ADGRB3: variants seen among roughly 807,000 people sequenced by gnomAD.
ADGRB3 encodes brain-specific angiogenesis inhibitor 3.
A neutral mutation model predicts 193.4 loss-of-function variants in ADGRB3; 37 were observed. The ratio of observed to expected loss-of-function variants is 0.19; its 90% CI spans 0.15 to 0.25. ADGRB3 has a LOEUF of 0.25. ADGRB3 is among the 10% of genes least tolerant of loss of function. The pLI is 1.00. For synonymous variants in ADGRB3, 690 were observed against 644.2 expected, an observed-to-expected ratio of 1.07 and a Z score of -1.08; for missense variants, 1,637 against 1,852.9, an observed-to-expected ratio of 0.88 and a Z score of 2.14.
chr6:69,162,839 A>C (rs965346424), intron 17 of ADGRB3, among the ~76,000 whole-genome samples: 2 of 152,076 alleles, frequency 1.3e-5, no homozygotes, highest in Non-Finnish European at 2.9e-5. Flanking sequence ...GTTTCTCAAA[A>C]GCTTGTCAGT....
chr6:68,686,967 TA>T (rs1460843391), intron 3 of ADGRB3, among the ~76,000 whole-genome samples: 1 of 152,160 alleles, frequency 6.6e-6, no homozygotes, highest in East Asian at 1.9e-4. Flanking sequence ...AAGTGATTTT[TA>T]AAAATATGCT....
At chr6:69,294,353 A>G (rs1767762645) in intron 20 of ADGRB3, among the ~76,000 whole-genome samples, 1 of 152,144 alleles carries the variant, frequency 6.6e-6, no homozygotes, top group Non-Finnish European at 1.5e-5. Flanking sequence ...TATTTCAAAA[A>G]CTATTATATA....
At chr6:68,888,383 A>T (rs150638293) in intron 3 of ADGRB3, among the ~76,000 whole-genome samples, 2 of 152,122 alleles carry the variant, frequency 1.3e-5, no homozygotes, top group Non-Finnish European at 2.9e-5. Flanking sequence ...TATTTTTCCC[A>T]TATAATTGTG....
chr6:68,670,653 T>A (rs1768929073), intron 3 of ADGRB3, among the ~76,000 whole-genome samples: 1 of 152,090 alleles, frequency 6.6e-6, no homozygotes, highest in Non-Finnish European at 1.5e-5. Context: ...GCTGTTTTGG[T>A]GACTATAGCC....
chr6:69,255,925 A>C (rs1033103800), intron 20 of ADGRB3, among the ~76,000 whole-genome samples: 2 of 152,164 alleles, frequency 1.3e-5, no homozygotes, highest in Non-Finnish European at 2.9e-5. Context: ...ACATATGGCT[A>C]TCCAGTTTTC....
chr6:68,788,872 C>G (rs1767034312), intron 3 of ADGRB3, among the ~76,000 whole-genome samples: 1 of 152,170 alleles, frequency 6.6e-6, no homozygotes, highest in African/African-American at 2.4e-5. Context: ...GGATAGTTAG[C>G]TCTTCTTGTT....
At chr6:69,288,664 C>A (rs1767602831) in intron 20 of ADGRB3, among the ~76,000 whole-genome samples, 1 of 152,126 alleles carries the variant, frequency 6.6e-6, no homozygotes, top group Non-Finnish European at 1.5e-5. Flanking sequence ...TGTGTCTCCC[C>A]AAGGGAGTTA....
At chr6:69,320,830 T>A (rs1314559451) in intron 20 of ADGRB3, among the ~76,000 whole-genome samples, 2 of 147,090 alleles carry the variant, frequency 1.4e-5, no homozygotes, top group East Asian at 3.9e-4. Context: ...TGTGTATGTG[T>A]GTGTGTGTGT....
At chr6:69,145,926 T>A (rs1410636225) in intron 17 of ADGRB3, among the ~76,000 whole-genome samples, 1 of 152,062 alleles carries the variant, frequency 6.6e-6, no homozygotes, top group African/African-American at 2.4e-5. Flanking sequence ...GGAGGAAGTG[T>A]GTGCTTATTT....
At chr6:68,661,107 C>G (rs1303628460) in intron 3 of ADGRB3, among the ~76,000 whole-genome samples, 1 of 149,662 alleles carries the variant, frequency 6.7e-6, no homozygotes, top group Admixed American at 6.7e-5. Flanking sequence ...TCAAGAAGTG[C>G]CTCTAGGTAT....
intron 3 of ADGRB3, among the ~76,000 whole-genome samples, chr6:68,866,968 G>C (rs1291583677): frequency 1.3e-5 from 2 of 152,178 alleles, no homozygotes; most frequent in African/African-American, 4.8e-5. Flanking sequence ...ATGTTCAAAA[G>C]CAGAGTATAA....
In ADGRB3 at chr6:68,731,867, A is replaced by G. The variant is rs539788693; in HGVS notation, c.757+92435A>G. The stretch of plus-strand genomic sequence containing the variant: ...TTGTTTTGTAAAGTAATGGGCTTGA[A>G]TAAATTAAGAAATCTAAACATTTAA... On this transcript the variant is annotated intron_variant, in intron 3 of 31. Coordinates refer to ENST00000370598, the MANE Select transcript of ADGRB3 (RefSeq NM_001704.3). Among the ~76,000 whole-genome samples the G allele has an allele frequency of 2.0e-5, 3 of 151,834 alleles. No individual in the cohort carries two copies. The East Asian group carries it at 5.8e-4, about 30-fold the overall frequency.
At chr6:69,118,197 C>G (rs925740009) in intron 17 of ADGRB3, among the ~76,000 whole-genome samples, 2 of 152,088 alleles carry the variant, frequency 1.3e-5, no homozygotes, top group African/African-American at 4.8e-5. Context: ...GAAATTCTTC[C>G]AAATATAGTA....
intron 3 of ADGRB3, among the ~76,000 whole-genome samples, chr6:68,767,422 A>G (rs1463481351): frequency 2.0e-5 from 3 of 152,238 alleles, no homozygotes; most frequent in African/African-American, 7.2e-5. Context: ...TAACATAAAC[A>G]GAACCAATGA....
intron 16 of ADGRB3, among the ~76,000 whole-genome samples, chr6:69,069,477 A>T (rs565499701): frequency 7.5e-6 from 1 of 134,144 alleles, no homozygotes; most frequent in Non-Finnish European, 1.6e-5. Context: ...GGGGAGGCTG[A>T]GGCGGGTGGA....
intron 3 of ADGRB3, among the ~76,000 whole-genome samples, chr6:68,770,661 A>C (rs570300616): frequency 6.6e-6 from 1 of 152,242 alleles, no homozygotes; most frequent in South Asian, 2.1e-4. Flanking sequence ...AATATAGCAT[A>C]GTATTATTTT....
intron 3 of ADGRB3, among the ~76,000 whole-genome samples, chr6:68,732,951 T>C (rs1765800110): frequency 6.6e-6 from 1 of 151,884 alleles, no homozygotes; most frequent in Non-Finnish European, 1.5e-5. Flanking sequence ...TGGACCAAGA[T>C]TTTTTATTTC....
At chr6:68,906,921 G>A (rs1222163556) in intron 3 of ADGRB3, among the ~76,000 whole-genome samples, 1 of 151,878 alleles carries the variant, frequency 6.6e-6, no homozygotes, top group African/African-American at 2.4e-5. Context: ...ATTTGCTTCT[G>A]TACTGTCTCT....
intron 17 of ADGRB3, among the ~76,000 whole-genome samples, chr6:69,127,183 T>G (rs1421642536): frequency 1.3e-5 from 2 of 152,202 alleles, no homozygotes; most frequent in Non-Finnish European, 2.9e-5. Context: ...CTGACTAAAA[T>G]TTTCCTGGTT....
Sources: gnomAD v4.1 joint callset for allele counts (sites outside exome capture counted in the v4.1 genomes callset) on GRCh38, gnomAD v4.1.1 for gene constraint, MANE v1.5 for transcripts, NCBI Gene and HGNC (gene_info 2026-07-23, HGNC 2026-07-21) for gene names.